The following SIPA1L1 variants were observed in gnomAD, a reference collection of about 807,000 sequenced individuals.
SIPA1L1 encodes the protein signal-induced proliferation-associated 1-like protein 1.
Under a neutral mutation model 162.7 loss-of-function variants are expected in SIPA1L1, and 26 were observed. The ratio of observed to expected loss-of-function variants is 0.16; its 90% confidence interval spans 0.12 to 0.22. The LOEUF is 0.22. SIPA1L1 is among the 10% of genes least tolerant of loss of function. SIPA1L1 has a pLI of 1.00. For missense variants in SIPA1L1, 1,874 were observed against 2,241.0 expected, an observed-to-expected ratio of 0.84 and a Z score of 3.31; for synonymous variants, 829 against 837.4, an observed-to-expected ratio of 0.99 and a Z score of 0.17.
intron 8 of SIPA1L1, among the ~76,000 whole-genome samples, chr14:71,656,639 T>C (rs2043082955): frequency 6.6e-6 from 1 of 152,244 alleles, no homozygotes; most frequent in Non-Finnish European, 1.5e-5. Context: ...TTTTGAAAAG[T>C]AGTCTTTGCT....
chr14:71,565,710 T>C (rs1465562582), intron 4 of SIPA1L1, among the ~76,000 whole-genome samples: 6 of 152,204 alleles, frequency 3.9e-5, no homozygotes, highest in Admixed American at 1.3e-4. Context: ...TTTTTATAAC[T>C]TTCTTACTGA....
chr14:71,453,359 G>T (rs1185708392), intron 2 of SIPA1L1, among the ~76,000 whole-genome samples: 1 of 152,128 alleles, frequency 6.6e-6, no homozygotes, highest in Non-Finnish European at 1.5e-5. Context: ...GACCTCCCGG[G>T]CTCGAGCAGT....
intron 12 of SIPA1L1, among the ~76,000 whole-genome samples, chr14:71,683,268 G>C (rs1046798145): frequency 3.9e-5 from 6 of 152,206 alleles, no homozygotes; most frequent in Admixed American, 2.0e-4. Context: ...TTTTTGGAAA[G>C]TTGGTGCCCA....
chr14:71,604,761 A>G (rs2037286575), intron 5 of SIPA1L1, among the ~76,000 whole-genome samples: 1 of 151,724 alleles, frequency 6.6e-6, no homozygotes. Flanking sequence ...CTTAGAATCC[A>G]CTGTTAGTCT....
At chr14:71,491,126 A>C (rs182874958) in intron 2 of SIPA1L1, among the ~76,000 whole-genome samples, 20 of 152,346 alleles carry the variant, frequency 1.3e-4, no homozygotes, top group Middle Eastern at 3.4e-3. Flanking sequence ...TCACCTATTA[A>C]TATATTTCTA....
rs189013088 is a variant in SIPA1L1, at chr14:71,373,173, T to C, written c.-465+51992T>C. ...AAAAATACAAAAAATTAGCCAGGCA[T>C]GGTGGCACGTGCCTGTAGTCCCGGC... On this transcript the variant is annotated intron_variant, in intron 2 of 23. Coordinates refer to ENST00000381232, the MANE Select transcript of SIPA1L1 (RefSeq NM_001386936.1). Among the ~76,000 whole-genome samples, 524 of 151,824 alleles carry C rather than the reference T, an allele frequency of 3.5e-3. 4 individuals carry two copies. Among genetic ancestry groups the C allele is most frequent in the Admixed American group, 5.9e-3 (90 of 15,258 alleles).
chr14:71,532,737 G>A (rs1374510570), intron 4 of SIPA1L1, among the ~76,000 whole-genome samples: 1 of 152,206 alleles, frequency 6.6e-6, no homozygotes, highest in Non-Finnish European at 1.5e-5. Flanking sequence ...ATACACTGAT[G>A]AAAGTAAATT....
chr14:71,415,736 C>G (rs867244006), intron 2 of SIPA1L1, among the ~76,000 whole-genome samples: 5 of 150,820 alleles, frequency 3.3e-5, no homozygotes, highest in South Asian at 2.1e-4. Context: ...CTCACTCTGT[C>G]TCCCAGACTG....
chr14:71,573,840 G>T, intron 4 of SIPA1L1: 1 of 391,390 alleles, frequency 2.6e-6, no homozygotes, highest in East Asian at 7.2e-5. Context: ...GTGTTGTTTT[G>T]ATTTGTATGC....
intron 2 of SIPA1L1, among the ~76,000 whole-genome samples, chr14:71,471,992 G>A (rs2047497380): frequency 6.6e-6 from 1 of 152,184 alleles, no homozygotes; most frequent in African/African-American, 2.4e-5. Flanking sequence ...AGGGCCTCTT[G>A]TGTTTGTATC....
intron 2 of SIPA1L1, among the ~76,000 whole-genome samples, chr14:71,410,025 A>G (rs942692107): frequency 1.3e-5 from 2 of 152,164 alleles, no homozygotes; most frequent in Admixed American, 1.3e-4. Context: ...TAATATTTAT[A>G]ATCATCACAT....
intron 2 of SIPA1L1, among the ~76,000 whole-genome samples, chr14:71,510,465 G>A (rs186553834): frequency 1.1e-4 from 16 of 152,176 alleles, no homozygotes; most frequent in Middle Eastern, 3.4e-3. Context: ...TGGGATTACA[G>A]GTGCGAGCCA....
chr14:71,651,968 C>T (rs1262270156), intron 8 of SIPA1L1, among the ~76,000 whole-genome samples: 6 of 152,170 alleles, frequency 3.9e-5, no homozygotes, highest in Admixed American at 3.9e-4. Flanking sequence ...ATACCTTCAA[C>T]AGGGAAAGAT....
At chr14:71,571,808 A>AT (rs529764911) in intron 4 of SIPA1L1, among the ~76,000 whole-genome samples, 7,047 of 127,972 alleles carry the variant, frequency 0.055, 369 homozygotes, top group African/African-American at 0.15. Flanking sequence ...TGCCTGGCTC[A>AT]TTTTTTTTTT....
chr14:71,704,964 A>T, intron 15 of SIPA1L1: 1 of 626,896 alleles, frequency 1.6e-6, no homozygotes, highest in Admixed American at 2.7e-5. Flanking sequence ...TGCGTTGTTC[A>T]TGGCCTTTGG....
chr14:71,587,194 C>G (rs1208696877), intron 4 of SIPA1L1, among the ~76,000 whole-genome samples: 1 of 152,104 alleles, frequency 6.6e-6, no homozygotes, highest in Non-Finnish European at 1.5e-5. Flanking sequence ...GGTTACATCT[C>G]AAACTTCTGG....
intron 11 of SIPA1L1, 49 bp from the exon 12 acceptor site, chr14:71,672,299 T>C: frequency 6.3e-7 from 1 of 1,590,278 alleles, no homozygotes; most frequent in Non-Finnish European, 8.6e-7. Context: ...TGTCCACCAC[T>C]TAATACCCTA....
intron 2 of SIPA1L1, among the ~76,000 whole-genome samples, chr14:71,466,624 T>C (rs1307188915): frequency 6.6e-6 from 1 of 152,072 alleles, no homozygotes; most frequent in East Asian, 1.9e-4. Flanking sequence ...GTGTTCTAAT[T>C]GTGTCCTCAT....
At chr14:71,401,199 G>A (rs2041644620) in intron 2 of SIPA1L1, among the ~76,000 whole-genome samples, 1 of 152,160 alleles carries the variant, frequency 6.6e-6, no homozygotes, top group African/African-American at 2.4e-5. Context: ...CTGCTCAAAT[G>A]CCCGAAGAGT....
Sources: gnomAD v4.1 joint callset for allele counts (sites outside exome capture counted in the v4.1 genomes callset) on GRCh38, gnomAD v4.1.1 for gene constraint, MANE v1.5 for transcripts, NCBI Gene and HGNC (gene_info 2026-07-23, HGNC 2026-07-21) for gene names.